Variants in TAF1C observed in about 807,000 individuals in gnomAD.
TAF1C encodes TATA-box binding protein associated factor, RNA polymerase I subunit C.
In TAF1C, 79 loss-of-function variants were observed where a neutral mutation model predicts 70.5. The ratio of observed to expected loss-of-function variants is 1.12; its 90% confidence interval spans 0.93 to 1.35. The LOEUF (loss-of-function observed/expected upper bound fraction) is 1.35, where lower values mean the gene tolerates loss of function less well. TAF1C is among the 40% of genes most tolerant of loss of function. The pLI is 0.00. For missense variants in TAF1C, 1,412 were observed against 1,127.8 expected, an observed-to-expected ratio of 1.25 and a Z score of -3.61; for synonymous variants, 614 against 491.1, an observed-to-expected ratio of 1.25 and a Z score of -3.31.
chr16:84,180,684 G>A (rs1422254837), intron 12 of TAF1C: 4 of 818,740 alleles, frequency 4.9e-6, no homozygotes, highest in Non-Finnish European at 6.9e-6. Flanking sequence ...GCACGCCTAC[G>A]AATGTCCCCG....
At position 84,179,324 on chromosome 16, in the gene TAF1C, G is replaced by T; in HGVS notation, c.2149C>A (p.Pro717Thr). ...TTGGGCCGCCTGGTCTGTCTCCCGG[G>T]CTCCGAGGTCCTGCCCTGCTGCCTC... The part of the protein sequence containing the change: ...WERQQGRTSE[P>T]GRQTRRPKRR... Residue 717 changes from proline (P) to threonine (T), a missense_variant, in exon 15 of 15, where the codon CCC (proline) becomes ACC (threonine). Pro to Thr is a conservative substitution (Grantham distance 38). Transcript: ENST00000566732. 6.2e-7 allele frequency: 1 copy of T among 1,600,534 alleles called. No individual in the cohort carries two copies.
At chr16:84,184,107 C>T (rs1402417172) in intron 2 of TAF1C, among the ~76,000 whole-genome samples, 2 of 152,250 alleles carry the variant, frequency 1.3e-5, no homozygotes, top group Non-Finnish European at 2.9e-5. Context: ...CGTAACCTCA[C>T]TTCCATTCAG....
In TAF1C at chr16:84,177,989, C is replaced by G. The variant is rs139741437; in HGVS notation, c.*952G>C. ...CATGCAATTCCTTTCACCAGCCAACCTGAAAAAAGACCTTTCTCTTACTAT... is the reference window on the plus strand; with the variant it reads ...CATGCAATTCCTTTCACCAGCCAACGTGAAAAAAGACCTTTCTCTTACTAT... On this transcript the variant is annotated 3_prime_UTR_variant, in exon 15 of 15. Transcript: ENST00000566732. 1.1e-5 allele frequency: 8 copies of G among 720,108 alleles called. No homozygotes were observed. The highest frequency in any genetic ancestry group is 8.8e-5 in the African/African-American group (5 of 57,010). 44.6% of individuals were successfully genotyped at this position (720,108 alleles called of 1,614,324 possible). A position where few individuals can be genotyped will look rare whatever the true frequency, so the allele number is the denominator to read the frequency against.
rs373837775 is a variant in TAF1C, at chr16:84,181,975, G to A, written c.805C>T (p.Arg269Trp). 46 of 1,613,766 alleles carry A rather than the reference G, an allele frequency of 2.9e-5. No homozygotes were observed. Among genetic ancestry groups the A allele is most frequent in the Admixed American group, 6.7e-5 (4 of 60,012 alleles). Residue 269 changes from arginine (R) to tryptophan (W), a missense_variant, in exon 8 of 15, where the codon CGG (arginine) becomes TGG (tryptophan). Physicochemically the swap from Arg to Trp is moderately radical, Grantham distance 101. Transcript: ENST00000566732. ...PGRIQLQGPV[R>W]QVVTCTVQGE... ...TGGACGGTGCATGTCACCACTTGCCGGACAGGTCCCTGGAGCTGGATGCGT... is the reference window on the plus strand; with the variant it reads ...TGGACGGTGCATGTCACCACTTGCCAGACAGGTCCCTGGAGCTGGATGCGT...
chr16:84,183,639 G>A lies in TAF1C; in HGVS notation c.220+58C>T, dbSNP rs370716018. ...GGAGAGGAAGGTCTCAGGAGCGGGA[G>A]CAGTGGGAAGAATAGGTGGAGCAGT... is the stretch of plus-strand genomic sequence containing the variant. On this transcript the variant is annotated intron_variant, in intron 3 of 14. Coordinates refer to ENST00000566732, the MANE Select transcript of TAF1C (RefSeq NM_001243156.2). The A allele has an allele frequency of 3.0e-5, 47 of 1,561,420 alleles. No homozygotes were observed. In the East Asian group the frequency reaches 9.9e-4, roughly 33 times the overall value.
chr16:84,180,435 T>C, intron 12 of TAF1C, 91 bp from the exon 13 acceptor site: 3 of 1,334,446 alleles, frequency 2.2e-6, no homozygotes, highest in South Asian at 1.4e-5. Context: ...TCCAGGTGAG[T>C]GCAGAGCCCT....
At chr16:84,183,547 G>A (rs1464506141) in intron 3 of TAF1C, 40 bp from the exon 4 acceptor site, 1 of 1,580,924 alleles carries the variant, frequency 6.3e-7, no homozygotes. Flanking sequence ...GAGGGCACAG[G>A]AGTGCGGCCA....
rs1375152415 is a variant in TAF1C, at chr16:84,182,203, C to G, written c.720G>C (p.Leu240=). The G allele has an allele frequency of 1.9e-6, 3 of 1,607,330 alleles. No homozygotes were observed. The highest frequency in any genetic ancestry group is 2.6e-6 in the Non-Finnish European group (3 of 1,176,128). ...CTCCTGTCTCGCAAGAAAGGATACG[C>G]AGCCTGTCCTGGGCGCCTCCAGCAG... ...VYPAGGAQDR[L]HFQEVVLTPG... The change falls in exon 7 of 15, where the codon CTG becomes CTC. Residue 240 remains leucine, a splice_region_variant and synonymous_variant. Coordinates refer to ENST00000566732, the MANE Select transcript of TAF1C (RefSeq NM_001243156.2). This position sits in a 1 kb window ranked among gnomAD's most constrained non-coding sequence, Gnocchi z 5.0.
rs2089234390 is a variant in TAF1C at position 84,182,114 on chromosome 16, A to G, written c.722-56T>C. 1.1e-5 allele frequency: 17 copies of G among 1,593,994 alleles called. No homozygotes were observed. The South Asian group carries it at 1.6e-4, about 15-fold the overall frequency. On this transcript the variant is annotated intron_variant, in intron 7 of 14. Transcript: ENST00000566732. This position sits in a 1 kb window ranked among gnomAD's most constrained non-coding sequence, Gnocchi z 5.0. ...GCTATGATCACTGCAAGCCCCCCAA[A>G]TTCCTGCCCTTCTCTGGACCATGCC...
At position 84,180,061 on chromosome 16, in the gene TAF1C, G is replaced by A. The variant is rs749819143; in HGVS notation, c.1506C>T (p.Arg502=). Residue 502 remains arginine, a synonymous_variant, in exon 14 of 15, where the codon CGC becomes CGT. Transcript: ENST00000566732. Reference sequence around the variant, plus strand: ...GAAGAGACTGGGGGGGGCCTGCCAGGCGGGGCACCGACGCCCCTTCTCCTG... The same window carrying A: ...GAAGAGACTGGGGGGGGCCTGCCAGACGGGGCACCGACGCCCCTTCTCCTG... ...HLAGEGASVP[R]LAGPPQSLPS... is the part of the protein sequence containing the mutation. 8 of 1,602,772 alleles carry A rather than the reference G, an allele frequency of 5.0e-6. No individual in the cohort carries two copies. Among genetic ancestry groups the A allele is most frequent in the Non-Finnish European group, 6.8e-6 (8 of 1,175,432 alleles).
chr16:84,183,035 GCTATGC>G, intron 6 of TAF1C, 35 bp downstream of exon 6: 3 of 1,604,896 alleles, frequency 1.9e-6, no homozygotes, highest in Non-Finnish European at 2.6e-6. Context: ...CCCACCACCA[GCTATGC>G]CTATCCATCT....
Position 84,178,964 on chromosome 16 carries a change from T to A in TAF1C, c.2509A>T (p.Lys837Ter). Residue 837 changes from lysine (K) to a stop codon, truncating the protein, a stop_gained, in exon 15 of 15, where the codon AAG (lysine) becomes TAG (stop). Transcript: ENST00000566732. LOFTEE classifies it high-confidence loss of function. ...CCTCAGAAGCCCATTCGAGGCTTCT[T>A]CCGGAGGGGCTGAGAGCTAGAGAGG... Reference protein sequence around the residue: ...PVLSSSQPLRKKPRMGF With the variant: ...PVLSSSQPLR 1 of 1,610,010 alleles carries A rather than the reference T, an allele frequency of 6.2e-7. No individual in the cohort carries two copies. Among genetic ancestry groups the A allele is most frequent in the South Asian group, 1.1e-5 (1 of 90,886 alleles).
Position 84,177,978 on chromosome 16 carries a change from C to T in TAF1C, c.*963G>A. On this transcript the variant is annotated 3_prime_UTR_variant, in exon 15 of 15. Coordinates refer to ENST00000566732, the MANE Select transcript of TAF1C (RefSeq NM_001243156.2). ...TGTGTGAGTCACATGCAATTCCTTT[C>T]ACCAGCCAACCTGAAAAAAGACCTT... 1.3e-6 allele frequency: 1 copy of T among 762,798 alleles called. No homozygotes were observed. Among genetic ancestry groups the T allele is most frequent in the South Asian group, 1.5e-5 (1 of 68,690 alleles). 47.3% of individuals were successfully genotyped at this position (762,798 alleles called of 1,614,324 possible).
chr16:84,179,064 T>C lies in TAF1C; in HGVS notation c.2409A>G (p.Pro803=). The C allele has an allele frequency of 1.2e-6, 2 of 1,610,834 alleles. No individual in the cohort carries two copies. Among genetic ancestry groups the C allele is most frequent in the Non-Finnish European group, 1.7e-6 (2 of 1,179,568 alleles). The part of the protein sequence containing the change: ...MAKLPPQRDT[P]GCATTPPHSQ... ...AGTGGGGAGGTGTGGTGGCACAGCC[T>C]GGGGTGTCCCTCTGGGGTGGTAGCT... The change falls in exon 15 of 15, where the codon CCA becomes CCG. Residue 803 remains proline, a synonymous_variant. Coordinates refer to ENST00000566732, the MANE Select transcript of TAF1C (RefSeq NM_001243156.2).
Position 84,181,169 on chromosome 16 carries a change from A to G in TAF1C, c.1182T>C (p.Gly394=), listed in dbSNP as rs777175931. The G allele has an allele frequency of 4.4e-6, 7 of 1,609,130 alleles. No homozygotes were observed. The highest frequency in any genetic ancestry group is 1.1e-5 in the South Asian group (1 of 90,976). ...MLDTQGPPGC[G]LLLFRLGAEA... ...CTGCCCCCAAACGAAAAAGCAACAGACCACAGCCCGGCGGGCCCTGGAAGA... is the reference window on the plus strand; with the variant it reads ...CTGCCCCCAAACGAAAAAGCAACAGGCCACAGCCCGGCGGGCCCTGGAAGA... Residue 394 remains glycine, a synonymous_variant, in exon 12 of 15, where the codon GGT becomes GGC. Transcript: ENST00000566732.
At chr16:84,183,645 GGAA>G (rs2089328947) in intron 3 of TAF1C, 49 bp downstream of exon 3, 3 of 1,570,406 alleles carry the variant, frequency 1.9e-6, no homozygotes, top group South Asian at 2.3e-5. Context: ...GGGAGCAGTG[GGAA>G]GAATAGGTGG....
chr16:84,181,431 A>G lies in TAF1C; in HGVS notation c.1061T>C (p.Leu354Pro). 1.2e-6 allele frequency: 2 copies of G among 1,613,724 alleles called. No homozygotes were observed. Among genetic ancestry groups the G allele is most frequent in the Middle Eastern group, 1.6e-4 (1 of 6,062 alleles). ...LRQIYRDPET[L>P]VFRDSSSWRW... is the part of the protein sequence containing the mutation. ...CCACGAAGAGGAGTCCCGGAACACG[A>G]GGGTCTCAGGGTCCCTGTAGATTTG... is the stretch of plus-strand genomic sequence containing the variant. The change falls in exon 11 of 15, where the codon CTC (leucine) becomes CCC (proline). Residue 354 changes from leucine (L) to proline (P), a missense_variant. Transcript: ENST00000566732.
At position 84,180,353 on chromosome 16, in the gene TAF1C, C is replaced by A; in HGVS notation, c.1309-9G>T. 6.5e-7 allele frequency: 1 copy of A among 1,535,986 alleles called. No individual in the cohort carries two copies. On this transcript the variant is annotated splice_polypyrimidine_tract_variant and intron_variant, in intron 12 of 14. Coordinates refer to ENST00000566732, the MANE Select transcript of TAF1C (RefSeq NM_001243156.2). ...ACTAGGTAGAGAGAGAACTGGGGCC[C>A]GAGAAGGAAGGGGGATGTGGCCGAA...
At position 84,183,157 on chromosome 16, in the gene TAF1C, G is replaced by A. The variant is rs2089295441; in HGVS notation, c.409-8C>T. On this transcript the variant is annotated splice_region_variant and splice_polypyrimidine_tract_variant and intron_variant, in intron 5 of 14. Coordinates refer to ENST00000566732, the MANE Select transcript of TAF1C (RefSeq NM_001243156.2). ...CTTCTTCTTAGTGCGGCTCTGCATG[G>A]AAAGGCCTTGTCAGGCTCACACACC... 3 of 1,613,874 alleles carry A rather than the reference G, an allele frequency of 1.9e-6. No homozygotes were observed. The highest frequency in any genetic ancestry group is 1.3e-5 in the African/African-American group (1 of 74,882).
Sources: allele counts gnomAD v4.1 joint callset (sites outside exome capture counted in the v4.1 genomes callset), GRCh38; gene constraint gnomAD v4.1.1; non-coding constraint Gnocchi (gnomAD v3.1); transcripts MANE v1.5; gene names NCBI Gene and HGNC (gene_info 2026-07-23, HGNC 2026-07-21).